The following CAMTA1 variants were observed in gnomAD, a reference collection of about 807,000 sequenced individuals.
CAMTA1 encodes the protein calmodulin binding transcription activator 1, also known as calmodulin-binding transcription activator 1.
In CAMTA1, 27 loss-of-function variants were observed where a neutral mutation model predicts 170.9. The ratio of observed to expected loss-of-function variants is 0.16; its 90% CI spans 0.12 to 0.22. The LOEUF is 0.22. Among genes scored for constraint, CAMTA1 ranks in the 10% least tolerant of loss-of-function variants. The pLI is 1.00. For synonymous variants in CAMTA1, 833 were observed against 891.5 expected, an observed-to-expected ratio of 0.93 and a Z score of 1.17; for missense variants, 1,619 against 2,217.2, an observed-to-expected ratio of 0.73 and a Z score of 5.42.
intron 4 of CAMTA1, among the ~76,000 whole-genome samples, chr1:7,136,448 A>G (rs1220465900): frequency 6.6e-6 from 1 of 151,370 alleles, no homozygotes; most frequent in East Asian, 1.9e-4. Context: ...TCAACCTTAG[A>G]TGTTTCCTGT....
At chr1:7,671,095 ACTCGGAGTTGG>A (rs1302716307) in intron 10 of CAMTA1, 58 bp downstream of exon 10, 2 of 1,593,086 alleles carry the variant, frequency 1.3e-6, no homozygotes, top group Non-Finnish European at 1.7e-6. Context: ...GGAGCACTGG[ACTCGGAGTTGG>A]CCTTGGGGTG....
chr1:7,221,906 T>TACACACACACACACACACACAC lies in CAMTA1; in HGVS notation c.303-27564_303-27563insCACACACACACACACACACACA, dbSNP rs34399218. ...GAGGGCATGTGCACAAGCTGGTGCA[T>TACACACACACACACACACACAC]ACACACACACACACACACACATACA... On this transcript the variant is annotated intron_variant, in intron 4 of 22. Transcript: ENST00000303635. Among the ~76,000 whole-genome samples, 375 of 147,630 alleles carry TACACACACACACACACACACAC rather than the reference T, an allele frequency of 2.5e-3. 11 individuals carry two copies. The highest frequency in any genetic ancestry group is 9.2e-3 in the African/African-American group (360 of 39,216).
At chr1:7,761,601 G>A (rs1462782092) in intron 22 of CAMTA1, among the ~76,000 whole-genome samples, 2 of 152,138 alleles carry the variant, frequency 1.3e-5, no homozygotes, top group Admixed American at 1.3e-4. Flanking sequence ...TAGATATGGT[G>A]ACCACAGGTC....
Position 7,030,982 on chromosome 1 carries a change from T to C in CAMTA1, c.235-60322T>C, listed in dbSNP as rs968420271. On this transcript the variant is annotated intron_variant, in intron 3 of 22. Coordinates refer to ENST00000303635, the MANE Select transcript of CAMTA1 (RefSeq NM_015215.4). ...CCCGAGTAGCTGGGACTACAGGCGC[T>C]CGCCACCATGCCCAGCTAATTTTTT... Among the ~76,000 whole-genome samples the C allele has an allele frequency of 8.8e-5, 13 of 148,442 alleles. 1 individual carries two copies. The highest frequency in any genetic ancestry group is 2.7e-4 in the African/African-American group (11 of 40,296).
At chr1:7,718,987 A>C (rs1344424958) in intron 11 of CAMTA1, among the ~76,000 whole-genome samples, 1 of 151,552 alleles carries the variant, frequency 6.6e-6, no homozygotes, top group East Asian at 1.9e-4. Context: ...TTCACTGTGC[A>C]CTGAAACTGT....
intron 3 of CAMTA1, among the ~76,000 whole-genome samples, chr1:6,831,801 G>A (rs1356362459): frequency 6.6e-6 from 1 of 152,150 alleles, no homozygotes; most frequent in Non-Finnish European, 1.5e-5. Context: ...GCTTTAGAGT[G>A]TCATATTAAA....
chr1:6,976,061 A>G (rs1206126312), intron 3 of CAMTA1, among the ~76,000 whole-genome samples: 2 of 152,214 alleles, frequency 1.3e-5, no homozygotes, highest in African/African-American at 4.8e-5. Context: ...CGAGCCAGGC[A>G]CCAGGATGCC....
chr1:6,979,005 C>T (rs1262714354), intron 3 of CAMTA1, among the ~76,000 whole-genome samples: 1 of 152,156 alleles, frequency 6.6e-6, no homozygotes, highest in Non-Finnish European at 1.5e-5. Context: ...CTCCCTTGCA[C>T]CTGGCTGAGT....
rs370966598 is a variant in CAMTA1, at chr1:7,127,737, C to T, written c.302+36366C>T. Reference sequence around the variant, plus strand: ...CTATTAATTCCAAGTGTGATAGAACCGGCACAGGAAACAGGCAAGAGGACC... The same window carrying T: ...CTATTAATTCCAAGTGTGATAGAACTGGCACAGGAAACAGGCAAGAGGACC... On this transcript the variant is annotated intron_variant, in intron 4 of 22. Coordinates refer to ENST00000303635, the MANE Select transcript of CAMTA1 (RefSeq NM_015215.4). Among the ~76,000 whole-genome samples the T allele has an allele frequency of 9.2e-5, 14 of 152,218 alleles. 1 individual carries two copies. The highest frequency in any genetic ancestry group is 1.4e-4 in the African/African-American group (6 of 41,534).
chr1:7,281,956 GC>G (rs1411166094), intron 5 of CAMTA1, among the ~76,000 whole-genome samples: 21 of 151,968 alleles, frequency 1.4e-4, no homozygotes, highest in African/African-American at 4.8e-4. Context: ...TTGGACCTCG[GC>G]CACCCAGGGC....
intron 5 of CAMTA1, among the ~76,000 whole-genome samples, chr1:7,361,355 A>C (rs1048288612): frequency 1.3e-5 from 2 of 152,320 alleles, no homozygotes; most frequent in African/African-American, 4.8e-5. Flanking sequence ...TCATGGAACT[A>C]AGAGTCAACC....
intron 3 of CAMTA1, among the ~76,000 whole-genome samples, chr1:7,082,826 A>G (rs1403125938): frequency 6.6e-6 from 1 of 152,080 alleles, no homozygotes; most frequent in East Asian, 1.9e-4. Context: ...TTCTCTTCTC[A>G]GTATGGACAC....
In CAMTA1 at chr1:7,562,138, G is replaced by A. The variant is rs568995840; in HGVS notation, c.511-78262G>A. Among the ~76,000 whole-genome samples, 3 of 152,198 alleles carry A rather than the reference G, an allele frequency of 2.0e-5. No individual in the cohort carries two copies. The highest frequency in any genetic ancestry group is 3.9e-4 in the East Asian group (2 of 5,178). On this transcript the variant is annotated intron_variant, in intron 6 of 22. Coordinates refer to ENST00000303635, the MANE Select transcript of CAMTA1 (RefSeq NM_015215.4). The surrounding 1 kb of genome is among the most constrained non-coding windows in gnomAD (Gnocchi z 4.8). Reference sequence around the variant, plus strand: ...CTATCTCCTGCCAGCCTCACTACCCGCACCAGGATTCACGGGTTGCAGCTG... The same window carrying A: ...CTATCTCCTGCCAGCCTCACTACCCACACCAGGATTCACGGGTTGCAGCTG...
At chr1:7,091,159 G>A in intron 3 of CAMTA1, 145 bp from the exon 4 acceptor site, 1 of 686,562 alleles carries the variant, frequency 1.5e-6, no homozygotes, top group South Asian at 1.6e-5. Flanking sequence ...TAGAAACAGA[G>A]TCCAAGTCGA....
chr1:7,716,107 A>G (rs542030974), intron 11 of CAMTA1, among the ~76,000 whole-genome samples: 1 of 152,288 alleles, frequency 6.6e-6, no homozygotes, highest in East Asian at 1.9e-4. Flanking sequence ...ATTGAAGCTC[A>G]CTGTGGCCTC....
chr1:7,167,249 T>C (rs944987678), intron 4 of CAMTA1, among the ~76,000 whole-genome samples: 2 of 152,234 alleles, frequency 1.3e-5, no homozygotes, highest in African/African-American at 4.8e-5. Flanking sequence ...TTTTAATCTA[T>C]CTAAAATTCA....
intron 3 of CAMTA1, among the ~76,000 whole-genome samples, chr1:6,835,935 T>C (rs1469091878): frequency 2.0e-5 from 3 of 152,194 alleles, no homozygotes; most frequent in Non-Finnish European, 4.4e-5. Flanking sequence ...TTTTTCAATG[T>C]TTTTTGAAAG....
intron 15 of CAMTA1, 133 bp downstream of exon 15, chr1:7,737,703 T>C (rs2096782390): frequency 1.0e-6 from 1 of 962,160 alleles, no homozygotes; most frequent in Non-Finnish European, 1.5e-6. Context: ...GATTTTTCTT[T>C]AAGAATGCCT....
intron 4 of CAMTA1, among the ~76,000 whole-genome samples, chr1:7,110,202 A>T (rs1159358035): frequency 1.3e-5 from 2 of 152,128 alleles, no homozygotes; most frequent in African/African-American, 4.8e-5. Flanking sequence ...GCATCCTGTT[A>T]ACAAGAAGCA....
Sources: gnomAD v4.1 joint callset for allele counts (sites outside exome capture counted in the v4.1 genomes callset) on GRCh38, gnomAD v4.1.1 for gene constraint, Gnocchi (gnomAD v3.1) non-coding constraint, MANE v1.5 for transcripts, NCBI Gene and HGNC (gene_info 2026-07-23, HGNC 2026-07-21) for gene names.